NBEA: variants seen among roughly 807,000 people sequenced by gnomAD.
The protein encoded by NBEA is neurobeachin.
Under a neutral mutation model 343.4 loss-of-function variants are expected in NBEA, and 44 were observed. The ratio of observed to expected loss-of-function variants is 0.13; its 90% CI spans 0.10 to 0.16. The LOEUF (loss-of-function observed/expected upper bound fraction) is 0.16, where lower values mean the gene tolerates loss of function less well. Ranked by LOEUF, NBEA falls within the 10% of genes least tolerant of loss-of-function variation. The pLI is 1.00. For missense variants in NBEA, 2,555 were observed against 3,631.3 expected, an observed-to-expected ratio of 0.70 and a Z score of 7.62; for synonymous variants, 1,175 against 1,238.7, an observed-to-expected ratio of 0.95 and a Z score of 1.08.
At chr13:35,425,846 A>G (rs898581045) in intron 38 of NBEA, among the ~76,000 whole-genome samples, 1 of 152,128 alleles carries the variant, frequency 6.6e-6, no homozygotes, top group Non-Finnish European at 1.5e-5. Flanking sequence ...TTGGGTGCAT[A>G]TATATTTAGG....
At chr13:35,437,618 G>A (rs959827241) in intron 39 of NBEA, among the ~76,000 whole-genome samples, 22 of 152,082 alleles carry the variant, frequency 1.4e-4, no homozygotes, top group Non-Finnish European at 2.5e-4. Flanking sequence ...CTAATTTTGC[G>A]TGTATTTAAT....
intron 52 of NBEA, among the ~76,000 whole-genome samples, chr13:35,650,926 A>G (rs3794391): frequency 0.19 from 28,620 of 152,118 alleles, 2,874 homozygotes; most frequent in South Asian, 0.28. Context: ...ACAGTGATTT[A>G]TATCCTAGCT....
chr13:35,468,773 GAATATTGGACTATTAGTTCTGTAAA>G (rs1388595409), intron 40 of NBEA, among the ~76,000 whole-genome samples: 2 of 152,164 alleles, frequency 1.3e-5, no homozygotes, highest in East Asian at 3.9e-4. Context: ...TAAAATTTGT[GAATATTGGACTATTAGTTCTGTAAA>G]AATATAAAAG....
intron 27 of NBEA, among the ~76,000 whole-genome samples, chr13:35,175,094 C>T (rs2070775896): frequency 6.6e-6 from 1 of 152,012 alleles, no homozygotes; most frequent in Admixed American, 6.6e-5. Flanking sequence ...CCGGCCACTT[C>T]AGAGTATTTA....
intron 35 of NBEA, among the ~76,000 whole-genome samples, chr13:35,292,580 A>G (rs2035871395): frequency 6.6e-6 from 1 of 151,920 alleles, no homozygotes; most frequent in Non-Finnish European, 1.5e-5. Context: ...AAAGCTGCAG[A>G]GTTCTGAGTT....
chr13:35,301,747 C>T (rs2152826772), intron 35 of NBEA, among the ~76,000 whole-genome samples: 1 of 152,168 alleles, frequency 6.6e-6, no homozygotes, highest in Middle Eastern at 3.4e-3. Context: ...GGTTCTAGAT[C>T]CTTGAATCGC....
At chr13:35,259,629 C>G (rs1030619442) in intron 34 of NBEA, among the ~76,000 whole-genome samples, 1 of 151,590 alleles carries the variant, frequency 6.6e-6, no homozygotes, top group Non-Finnish European at 1.5e-5. Flanking sequence ...TCATTTTTAC[C>G]CTAAAAATAA....
At chr13:35,352,091 GTA>G (rs1433469673) in intron 37 of NBEA, 64 bp from the exon 38 acceptor site, 2 of 975,582 alleles carry the variant, frequency 2.1e-6, no homozygotes, top group South Asian at 4.3e-5. Flanking sequence ...TAACTTAAAT[GTA>G]TATCATCCTT....
At chr13:34,966,122 TC>T (rs2059813846) in intron 1 of NBEA, among the ~76,000 whole-genome samples, 1 of 152,074 alleles carries the variant, frequency 6.6e-6, no homozygotes, top group Non-Finnish European at 1.5e-5. Flanking sequence ...GCATTTGTAT[TC>T]CCATTTGTAT....
chr13:35,169,513 T>A (rs1593591954), intron 25 of NBEA, among the ~76,000 whole-genome samples: 1 of 151,578 alleles, frequency 6.6e-6, no homozygotes, highest in African/African-American at 2.4e-5. Flanking sequence ...TAATTCTATT[T>A]ATAATTCACT....
At chr13:35,258,002 A>C (rs1433758010) in intron 34 of NBEA, among the ~76,000 whole-genome samples, 1 of 152,022 alleles carries the variant, frequency 6.6e-6, no homozygotes, top group African/African-American at 2.4e-5. Context: ...TTTAATATTT[A>C]TTATTTTTAT....
At position 34,942,543 on chromosome 13, in the gene NBEA, C is replaced by A. The variant is rs907420964; in HGVS notation, c.-278C>A. 3.8e-5 allele frequency: 8 copies of A among 211,044 alleles called. No homozygotes were observed. The highest frequency in any genetic ancestry group is 4.5e-5 in the Non-Finnish European group (5 of 111,682). The allele number at this position is 211,044 out of a possible 1,614,324, so 13.1% of individuals were successfully genotyped here. A position where few individuals can be genotyped will look rare whatever the true frequency, so the allele number is the denominator to read the frequency against. ...GCAGCGGCGGCGGCAGCGGCAGCGG[C>A]AGCGGCACACCTGCTGGGCGGGCAC... On this transcript the variant is annotated 5_prime_UTR_variant, in exon 1 of 59. Coordinates refer to ENST00000379939, the MANE Select transcript of NBEA (RefSeq NM_001385012.1).
At chr13:35,124,666 GTGGATATATATACACATGTA>G (rs2067002163) in intron 17 of NBEA, among the ~76,000 whole-genome samples, 6 of 147,282 alleles carry the variant, frequency 4.1e-5, no homozygotes, top group South Asian at 2.2e-4. Flanking sequence ...ACACATATAT[GTGGATATATATACACATGTA>G]TGGATATATA....
intron 34 of NBEA, among the ~76,000 whole-genome samples, chr13:35,258,516 A>C (rs1212722669): frequency 6.8e-6 from 1 of 146,240 alleles, no homozygotes; most frequent in Non-Finnish European, 1.5e-5. Flanking sequence ...AAAACCATAA[A>C]ATCTGTTCTT....
chr13:35,275,039 G>T (rs1161049797), intron 34 of NBEA, among the ~76,000 whole-genome samples: 1 of 152,142 alleles, frequency 6.6e-6, no homozygotes, highest in East Asian at 1.9e-4. Context: ...AAAAGATCCT[G>T]CATAGCCAAG....
intron 1 of NBEA, among the ~76,000 whole-genome samples, chr13:34,949,070 G>A (rs2059273983): frequency 6.6e-6 from 1 of 152,150 alleles, no homozygotes; most frequent in Non-Finnish European, 1.5e-5. Context: ...TGTCTGATAA[G>A]CTTCTCCCAA....
chr13:35,666,404 T>C (rs1465262692), intron 56 of NBEA, among the ~76,000 whole-genome samples: 1 of 144,444 alleles, frequency 6.9e-6, no homozygotes, highest in Non-Finnish European at 1.5e-5. Context: ...TTTTACCCTG[T>C]GAAGTTAAAA....
chr13:35,049,741 A>AG (rs1445385236), intron 5 of NBEA, among the ~76,000 whole-genome samples: 1 of 151,904 alleles, frequency 6.6e-6, no homozygotes. Flanking sequence ...CTCTTGTAGA[A>AG]GAAAACAACT....
intron 26 of NBEA, 89 bp downstream of exon 26, chr13:35,171,541 TAA>T: frequency 9.8e-7 from 1 of 1,018,926 alleles, no homozygotes; most frequent in South Asian, 2.4e-5. Context: ...ATTAATGATA[TAA>T]GTTGATGATT....
Sources: allele counts gnomAD v4.1 joint callset (sites outside exome capture counted in the v4.1 genomes callset), GRCh38; gene constraint gnomAD v4.1.1; transcripts MANE v1.5; gene names NCBI Gene and HGNC (gene_info 2026-07-23, HGNC 2026-07-21).